Variants in ZNF540 observed in about 807,000 individuals in gnomAD.
ZNF540 encodes the protein CTD-3064H18.6.
ZNF540 carries 3 observed loss-of-function variants against 11.8 expected under a neutral mutation model. The observed-to-expected ratio is 0.25, with a 90% CI of 0.12 to 0.65. ZNF540 has a LOEUF of 0.65. ZNF540 is among the 30% of genes least tolerant of loss of function. The pLI is 0.83. For missense variants in ZNF540, 709 were observed against 793.1 expected, an observed-to-expected ratio of 0.89 and a Z score of 1.27; for synonymous variants, 247 against 259.0, an observed-to-expected ratio of 0.95 and a Z score of 0.45.
chr19:37,563,819 T>TGGA (rs1159227347), intron 1 of ZNF540: 5 of 79,282 alleles, frequency 6.3e-5, no homozygotes, highest in African/African-American at 1.3e-4. Context: ...GGAATATATG[T>TGGA]ATATATTCCA....
chr19:37,561,048 CAAAAAAAAAAAAAAA>C (rs199892724), intron 1 of ZNF540, among the ~76,000 whole-genome samples: 5 of 73,782 alleles, frequency 6.8e-5, no homozygotes, highest in Non-Finnish European at 1.5e-4. Flanking sequence ...CCTGTCTCTA[CAAAAAAAAAAAAAAA>C]AAAAAAAAAA....
chr19:37,579,791 C>T (rs916065631), intron 1 of ZNF540, among the ~76,000 whole-genome samples: 7 of 152,178 alleles, frequency 4.6e-5, no homozygotes, highest in Non-Finnish European at 8.8e-5. Context: ...TAGCAACCAG[C>T]ATCACCATAC....
upstream of ZNF540, among the ~76,000 whole-genome samples, chr19:37,591,333 G>C (rs1218824949): frequency 1.3e-5 from 2 of 152,142 alleles, no homozygotes; most frequent in Non-Finnish European, 1.5e-5. Flanking sequence ...ATGACAGAAA[G>C]ACACAGAACT....
chr19:37,566,065 A>G, intron 1 of ZNF540: 1 of 1,614,100 alleles, frequency 6.2e-7, no homozygotes, highest in Non-Finnish European at 8.5e-7. Flanking sequence ...AGGTTGAATG[A>G]CTTTCAGTGG....
rs556923915 is a variant in ZNF540 at position 37,604,433 on chromosome 19, G to C, written c.232+3328G>C. ...CGCCATTCTCCTGCCTTAGCCTCTG[G>C]AGTACCTGGGACTACAGGTGCCCAC... On this transcript the variant is annotated intron_variant, in intron 4 of 4. Coordinates refer to ENST00000316433, the MANE Select transcript of ZNF540 (RefSeq NM_001172225.3). 6.0e-5 allele frequency among the ~76,000 whole-genome samples: 9 copies of C among 149,652 alleles called. No homozygotes were observed. The South Asian group carries it at 1.7e-3, about 28-fold the overall frequency.
intron 1 of ZNF540, among the ~76,000 whole-genome samples, chr19:37,577,355 A>G (rs1167743300): frequency 6.6e-6 from 1 of 152,226 alleles, no homozygotes. Flanking sequence ...TATTGATTTG[A>G]CCACTTTGAA....
intron 1 of ZNF540, chr19:37,566,582 G>C (rs960217131): frequency 2.3e-5 from 6 of 257,852 alleles, no homozygotes; most frequent in Non-Finnish European, 3.7e-5. Context: ...ACACCCTCTT[G>C]AAAACAAACA....
At chr19:37,604,036 GGATAA>G (rs34781304) in intron 4 of ZNF540, among the ~76,000 whole-genome samples, 38,288 of 151,444 alleles carry the variant, frequency 0.25, 5,452 homozygotes, top group East Asian at 0.63. Context: ...TTTATAAAAA[GGATAA>G]GATAACTTTT....
chr19:37,614,066 C>T lies in ZNF540; in HGVS notation c.*803C>T, dbSNP rs554270968. 2.5e-6 allele frequency: 1 copy of T among 392,254 alleles called. No individual in the cohort carries two copies. Among genetic ancestry groups the T allele is most frequent in the African/African-American group, 2.1e-5 (1 of 48,646 alleles). The allele number at this position is 392,254 out of a possible 1,614,324, so 24.3% of individuals were successfully genotyped here. ...GACCTTGGACTTTCAGCCTCCAAAA[C>T]TGTGAGAAATAAACCTCAGTTGTTT... is the stretch of plus-strand genomic sequence containing the variant. On this transcript the variant is annotated 3_prime_UTR_variant, in exon 5 of 5. Coordinates refer to ENST00000316433, the MANE Select transcript of ZNF540 (RefSeq NM_001172225.3).
At position 37,566,292 on chromosome 19, in the gene ZNF540, C is replaced by A. The variant is rs1240259768; in HGVS notation, c.-73+14627C>A. ...TTGGTCACACAACTGGATTCCAAGT[C>A]TGTAGAATAAAAAGAAAGCAAATTC... is the stretch of plus-strand genomic sequence containing the variant. On this transcript the variant is annotated intron_variant, in intron 1 of 4. Transcript: ENST00000592533. 2.0e-5 allele frequency: 32 copies of A among 1,584,054 alleles called. 1 individual carries two copies. The highest frequency in any genetic ancestry group is 1.3e-4 in the Admixed American group (7 of 53,534).
At chr19:37,608,595 G>A (rs898727376) in intron 4 of ZNF540, among the ~76,000 whole-genome samples, 1 of 151,958 alleles carries the variant, frequency 6.6e-6, no homozygotes, top group African/African-American at 2.4e-5. Flanking sequence ...TTTTTTGTTG[G>A]AAGGTGAACA....
At chr19:37,572,024 C>T in intron 1 of ZNF540, among the ~76,000 whole-genome samples, 1 of 8,336 alleles carries the variant, frequency 1.2e-4, no homozygotes, top group African/African-American at 6.1e-4. Context: ...ATAATTAGTA[C>T]ATTAGTCCTA....
In ZNF540 at chr19:37,611,909, C is replaced by G. The variant is rs1323009040; in HGVS notation, c.629C>G (p.Thr210Ser). Residue 210 changes from threonine (T) to serine (S), a missense_variant, in exon 5 of 5, where the codon ACT (threonine) becomes AGT (serine). Physicochemically the swap from Thr to Ser is moderately conservative, Grantham distance 58 (BLOSUM62 1). Transcript: ENST00000316433. ...YQLTLHQKIH[T>S]GEKSCKCEKC... is the part of the protein sequence containing the mutation. ...CTTACTCTCCATCAGAAAATTCATA[C>G]TGGTGAAAAATCCTGTAAATGTGAG... is the stretch of plus-strand genomic sequence containing the variant. 6 of 1,613,622 alleles carry G rather than the reference C, an allele frequency of 3.7e-6. No individual in the cohort carries two copies. The highest frequency in any genetic ancestry group is 5.1e-6 in the Non-Finnish European group (6 of 1,179,964).
intron 1 of ZNF540, among the ~76,000 whole-genome samples, chr19:37,572,011 G>T (rs2385122): frequency 8.3e-5 from 1 of 12,088 alleles, no homozygotes; most frequent in African/African-American, 3.9e-4. Flanking sequence ...AGACTATATG[G>T]CCATAATTAG....
intron 1 of ZNF540, among the ~76,000 whole-genome samples, chr19:37,573,004 ACATGATTGATTATAGAATCT>A: frequency 1.3e-5 from 2 of 152,310 alleles, no homozygotes; most frequent in East Asian, 3.9e-4. Context: ...TTCTTTCATC[ACATGATTGATTATAGAATCT>A]TCAATGTGAT....
At chr19:37,596,193 G>A (rs891362576) in intron 1 of ZNF540, among the ~76,000 whole-genome samples, 1 of 152,166 alleles carries the variant, frequency 6.6e-6, no homozygotes, top group Non-Finnish European at 1.5e-5. Context: ...CCCTTTTATA[G>A]ACAAATGCAC....
At chr19:37,595,639 T>C (rs890740080) in intron 1 of ZNF540, among the ~76,000 whole-genome samples, 3 of 152,224 alleles carry the variant, frequency 2.0e-5, no homozygotes, top group Non-Finnish European at 4.4e-5. Flanking sequence ...TTCAGTTTTC[T>C]CACCTGTAAA....
chr19:37,596,073 C>G (rs180822532), intron 1 of ZNF540, among the ~76,000 whole-genome samples: 3 of 152,172 alleles, frequency 2.0e-5, no homozygotes, highest in African/African-American at 7.2e-5. Flanking sequence ...TCAACTTAGT[C>G]TTCTCCAATG....
chr19:37,604,978 T>G (rs2044072217), intron 4 of ZNF540, among the ~76,000 whole-genome samples: 1 of 152,260 alleles, frequency 6.6e-6, no homozygotes, highest in Non-Finnish European at 1.5e-5. Context: ...TTAATTCCTT[T>G]TTCTTGCTGA....
Sources: gnomAD v4.1 joint callset for allele counts (sites outside exome capture counted in the v4.1 genomes callset) on GRCh38, gnomAD v4.1.1 for gene constraint, MANE v1.5 for transcripts, NCBI Gene and HGNC (gene_info 2026-07-23, HGNC 2026-07-21) for gene names.